The following ADGRL2 variants were observed in gnomAD, a reference collection of about 807,000 sequenced individuals.
ADGRL2 encodes the protein calcium-independent alpha-latrotoxin receptor 2.
ADGRL2 carries 44 observed loss-of-function variants against 157.4 expected under a neutral mutation model. The observed-to-expected ratio is 0.28, with a 90% CI of 0.22 to 0.36. ADGRL2 has a LOEUF of 0.36. Ranked by LOEUF, ADGRL2 falls within the 10% of genes least tolerant of loss-of-function variation. The pLI is 1.00. For synonymous variants in ADGRL2, 585 were observed against 624.7 expected (o/e 0.94, Z 0.95); for missense variants, 1,510 against 1,768.9 (o/e 0.85, Z 2.63).
At chr1:81,667,583 T>C (rs191886069) in intron 3 of ADGRL2, among the ~76,000 whole-genome samples, 1 of 152,334 alleles carries the variant, frequency 6.6e-6, no homozygotes, top group Admixed American at 6.5e-5. Context: ...TTTTATCTTG[T>C]TGTCATTATT....
chr1:81,620,689 G>C (rs1439810990), intron 3 of ADGRL2, among the ~76,000 whole-genome samples: 1 of 152,144 alleles, frequency 6.6e-6, no homozygotes, highest in Non-Finnish European at 1.5e-5. Context: ...TAATAGGAGA[G>C]AAGAATTCTG....
At chr1:81,706,213 A>T (rs2083730036) in intron 1 of ADGRL2, among the ~76,000 whole-genome samples, 1 of 142,550 alleles carries the variant, frequency 7.0e-6, no homozygotes, top group African/African-American at 2.7e-5. Flanking sequence ...ATAATAATAA[A>T]AATAAAAACA....
At chr1:81,787,612 AC>A (rs2087118194) in intron 2 of ADGRL2, among the ~76,000 whole-genome samples, 1 of 152,070 alleles carries the variant, frequency 6.6e-6, no homozygotes, top group Admixed American at 6.6e-5. Context: ...CTGGGGTCGC[AC>A]CACTGCACTT....
At chr1:81,771,474 T>G (rs1407800712) in intron 2 of ADGRL2, among the ~76,000 whole-genome samples, 2 of 152,092 alleles carry the variant, frequency 1.3e-5, no homozygotes, top group Non-Finnish European at 2.9e-5. Flanking sequence ...ATTAACCTTA[T>G]CTACAAATAA....
At chr1:81,948,519 A>T (rs1572302440) in intron 6 of ADGRL2, among the ~76,000 whole-genome samples, 2 of 152,050 alleles carry the variant, frequency 1.3e-5, no homozygotes, top group African/African-American at 4.8e-5. Flanking sequence ...TTCTGTTCTG[A>T]TTCCCGACTC....
intron 1 of ADGRL2, among the ~76,000 whole-genome samples, chr1:81,702,322 C>A (rs2083598411): frequency 1.3e-5 from 2 of 152,182 alleles, no homozygotes; most frequent in South Asian, 4.1e-4. Flanking sequence ...GACAGCATCA[C>A]CCCTTCTTTC....
intron 2 of ADGRL2, among the ~76,000 whole-genome samples, chr1:81,886,021 A>G (rs1204470491): frequency 6.6e-6 from 1 of 152,202 alleles, no homozygotes; most frequent in East Asian, 1.9e-4. Context: ...ACTTAGTAAC[A>G]TTGACTCCCT....
chr1:81,750,504 G>A lies in ADGRL2; in HGVS notation c.-142-11307G>A, dbSNP rs189958872. 4.6e-5 allele frequency among the ~76,000 whole-genome samples: 7 copies of A among 152,274 alleles called. No individual in the cohort carries two copies. The East Asian group carries it at 5.8e-4, about 13-fold the overall frequency. On this transcript the variant is annotated intron_variant, in intron 1 of 20. Coordinates refer to the ADGRL2 transcript ENST00000359929. ...GAGGCCGATGGGGCTGGATCACAAG[G>A]TCAGGATTTCAAGACCAGCCTAGCC... is the stretch of plus-strand genomic sequence containing the variant.
At chr1:81,627,432 G>A (rs1198704227) in intron 3 of ADGRL2, among the ~76,000 whole-genome samples, 4 of 152,088 alleles carry the variant, frequency 2.6e-5, no homozygotes, top group Admixed American at 2.6e-4. Context: ...GGTAGGTTGA[G>A]CCATATTTGC....
At chr1:81,344,279 C>G (rs755373190) in intron 1 of ADGRL2, among the ~76,000 whole-genome samples, 7 of 152,074 alleles carry the variant, frequency 4.6e-5, no homozygotes, top group Non-Finnish European at 1.0e-4. Context: ...ATTGGCCATG[C>G]TGTGAGTATT....
At chr1:81,868,789 T>G (rs577915634) in intron 2 of ADGRL2, among the ~76,000 whole-genome samples, 2 of 152,150 alleles carry the variant, frequency 1.3e-5, no homozygotes, top group East Asian at 1.9e-4. Context: ...ACATCTTTTT[T>G]GGGGGGAAAG....
chr1:81,707,508 C>T (rs2083776710), intron 1 of ADGRL2, among the ~76,000 whole-genome samples: 1 of 152,170 alleles, frequency 6.6e-6, no homozygotes, highest in South Asian at 2.1e-4. Flanking sequence ...ATAGAATTCT[C>T]ACAAAAGCTT....
intron 1 of ADGRL2, among the ~76,000 whole-genome samples, chr1:81,814,589 AT>A (rs1281490140): frequency 1.3e-5 from 2 of 151,470 alleles, no homozygotes; most frequent in Admixed American, 6.6e-5. Context: ...TTGGAAAAAA[AT>A]ATTTTAAATT....
At chr1:81,852,302 A>G (rs188004982) in intron 2 of ADGRL2, among the ~76,000 whole-genome samples, 7 of 152,220 alleles carry the variant, frequency 4.6e-5, no homozygotes, top group East Asian at 1.9e-4. Context: ...TTGCTGTTTG[A>G]TAAGTCAAAT....
At chr1:81,611,807 C>A (rs1366005101) in intron 3 of ADGRL2, among the ~76,000 whole-genome samples, 1 of 152,100 alleles carries the variant, frequency 6.6e-6, no homozygotes, top group Non-Finnish European at 1.5e-5. Flanking sequence ...AAATTGTAAT[C>A]CCCACGTGTT....
chr1:81,768,864 T>C (rs2149337425), intron 2 of ADGRL2, among the ~76,000 whole-genome samples: 1 of 152,216 alleles, frequency 6.6e-6, no homozygotes, highest in East Asian at 1.9e-4. Context: ...GCAGATCACT[T>C]GAGGTCAGGA....
At chr1:81,462,789 C>A (rs2077966567) in intron 2 of ADGRL2, among the ~76,000 whole-genome samples, 1 of 151,918 alleles carries the variant, frequency 6.6e-6, no homozygotes. Flanking sequence ...TGTAGAAAAT[C>A]ATTTATCAGA....
rs181065061 is a variant in ADGRL2, at chr1:81,312,842, A to G, written c.-302+6333A>G. 2.3e-3 allele frequency among the ~76,000 whole-genome samples: 356 copies of G among 152,302 alleles called. 4 individuals are homozygous for G. The highest frequency in any genetic ancestry group is 8.0e-3 in the African/African-American group (331 of 41,576). ...CTGCATTCTTCACTGGAAAACAAAA[A>G]CCAAAGACATTTAAAAATCATGTAA... On this transcript the variant is annotated intron_variant, in intron 1 of 24. Transcript: ENST00000370721.
At chr1:81,954,984 G>C (rs752171320) in intron 10 of ADGRL2, among the ~76,000 whole-genome samples, 3 of 152,162 alleles carry the variant, frequency 2.0e-5, no homozygotes, top group African/African-American at 7.2e-5. Context: ...AATAAACTTA[G>C]TGATTTCACC....
Sources: gnomAD v4.1 joint callset for allele counts (sites outside exome capture counted in the v4.1 genomes callset) on GRCh38, gnomAD v4.1.1 for gene constraint, MANE v1.5 for transcripts, NCBI Gene and HGNC (gene_info 2026-07-23, HGNC 2026-07-21) for gene names.